Variants in CASZ1 observed in about 807,000 individuals in gnomAD.
CASZ1 encodes castor zinc finger 1.
In CASZ1, 28 loss-of-function variants were observed where a neutral mutation model predicts 135.2. That is an observed-to-expected ratio of 0.21 (90% CI 0.15 to 0.28). The LOEUF (loss-of-function observed/expected upper bound fraction) is 0.28. CASZ1 is among the 10% of genes least tolerant of loss of function. CASZ1 has a pLI of 1.00. For missense variants in CASZ1, 2,161 were observed against 2,453.3 expected (o/e 0.88, Z 2.52); for synonymous variants, 1,068 against 1,073.4 (o/e 0.99, Z 0.10).
rs1639772043 is a variant in CASZ1 at position 10,735,091 on chromosome 1, T to C, written c.-77+25610A>G. Reference sequence around the variant, plus strand: ...CAGTTGCACAAAAGAAATTGAACACTTTTGAGTTGCCCTTAGCAACCTAAT... The same window carrying C: ...CAGTTGCACAAAAGAAATTGAACACCTTTGAGTTGCCCTTAGCAACCTAAT... On this transcript the variant is annotated intron_variant, in intron 2 of 20. Coordinates refer to ENST00000377022, the MANE Select transcript of CASZ1 (RefSeq NM_001079843.3). This position sits in a 1 kb window ranked among gnomAD's most constrained non-coding sequence, Gnocchi z 5.1. Among the ~76,000 whole-genome samples the C allele has an allele frequency of 6.6e-6, 1 of 152,168 alleles. No homozygotes were observed. The highest frequency in any genetic ancestry group is 6.5e-5 in the Admixed American group (1 of 15,270).
Position 10,651,062 on chromosome 1 carries a change from C to T in CASZ1, c.2695G>A (p.Val899Ile). The part of the protein sequence containing the change: ...ATFDPGSGQQ[V>I]TPARFPPAQV... ...GCCGGGGGGAACCTGGCTGGGGTGACCTGCTGCCCGCTTCCTGCAGGGGAG... is the reference window on the plus strand; with the variant it reads ...GCCGGGGGGAACCTGGCTGGGGTGATCTGCTGCCCGCTTCCTGCAGGGGAG... Residue 899 changes from valine to isoleucine, a missense_variant, in exon 12 of 21, where the codon GTC becomes ATC. Transcript: ENST00000377022. 2 of 1,530,762 alleles carry T rather than the reference C, an allele frequency of 1.3e-6. No individual in the cohort carries two copies. The highest frequency in any genetic ancestry group is 2.4e-5 in the Admixed American group (1 of 42,134). The allele number at this position is 1,530,762 out of a possible 1,614,324, so 94.8% of individuals were successfully genotyped here. A position where few individuals can be genotyped will look rare whatever the true frequency, so the allele number is the denominator to read the frequency against.
At position 10,659,820 on chromosome 1, in the gene CASZ1, T is replaced by C. The variant is rs373574627; in HGVS notation, c.1222A>G (p.Ser408Gly). The C allele has an allele frequency of 1.3e-5, 21 of 1,609,964 alleles. No homozygotes were observed. The highest frequency in any genetic ancestry group is 1.7e-5 in the Non-Finnish European group (20 of 1,178,612). The change falls in exon 6 of 21, where the codon AGC becomes GGC. Residue 408 changes from serine to glycine, a missense_variant. Ser to Gly is a moderately conservative substitution (Grantham distance 56). Transcript: ENST00000377022. The part of the protein sequence containing the change: ...APLASVPSAP[S>G]APGPGPEPPA... ...GGCTCTGGCCCTGGCCCGGGGGCGC[T>C]GGGGGCACTGGGCACGCTGGCGAGG...
chr1:10,745,362 C>A (rs1007685205), intron 2 of CASZ1, among the ~76,000 whole-genome samples: 1 of 151,010 alleles, frequency 6.6e-6, no homozygotes, highest in Non-Finnish European at 1.5e-5. Context: ...CAGTGTGTTC[C>A]CCAACTGCGA....
chr1:10,719,461 C>T lies in CASZ1; in HGVS notation c.-76-13917G>A, dbSNP rs144844179. Among the ~76,000 whole-genome samples the T allele has an allele frequency of 1.4e-3, 207 of 152,334 alleles. No individual in the cohort carries two copies. Among genetic ancestry groups the T allele is most frequent in the African/African-American group, 3.8e-3 (159 of 41,578 alleles). ...TTCAAGGTGATGTCCTAAGGCTGCACACGCCATGCATTTAGAATCTGAGTG... is the reference window on the plus strand; with the variant it reads ...TTCAAGGTGATGTCCTAAGGCTGCATACGCCATGCATTTAGAATCTGAGTG... On this transcript the variant is annotated intron_variant, in intron 2 of 20. Transcript: ENST00000377022. This position sits in a 1 kb window ranked among gnomAD's most constrained non-coding sequence, Gnocchi z 4.0.
At chr1:10,753,734 G>A (rs1013473434) in intron 2 of CASZ1, among the ~76,000 whole-genome samples, 4 of 152,166 alleles carry the variant, frequency 2.6e-5, no homozygotes, top group South Asian at 2.1e-4. Flanking sequence ...CTCTCTGCCC[G>A]CTCCCAGATG....
chr1:10,646,957 C>T lies in CASZ1; in HGVS notation c.3498-631G>A, dbSNP rs937849752. On this transcript the variant is annotated intron_variant, in intron 16 of 20. Coordinates refer to ENST00000377022, the MANE Select transcript of CASZ1 (RefSeq NM_001079843.3). This position sits in a 1 kb window ranked among gnomAD's most constrained non-coding sequence, Gnocchi z 6.4. ...GCGGGTGTGCTGGCCTGCCCTAGGC[C>T]GCCTCCAGGATGCAGAGGGGTGCAG... Among the ~76,000 whole-genome samples, 2 of 152,118 alleles carry T rather than the reference C, an allele frequency of 1.3e-5. No individual in the cohort carries two copies. The highest frequency in any genetic ancestry group is 2.4e-5 in the African/African-American group (1 of 41,422).
At position 10,757,095 on chromosome 1, in the gene CASZ1, C is replaced by T. The variant is rs1012655906; in HGVS notation, c.-77+3606G>A. On this transcript the variant is annotated intron_variant, in intron 2 of 20. Coordinates refer to ENST00000377022, the MANE Select transcript of CASZ1 (RefSeq NM_001079843.3). This position sits in a 1 kb window ranked among gnomAD's most constrained non-coding sequence, Gnocchi z 4.6. ...GGTGTCGGAGAGAAGCAGTTCCCTC[C>T]GCAAGGAGCCCGACCCACTCAAACG... 7.2e-5 allele frequency among the ~76,000 whole-genome samples: 11 copies of T among 152,140 alleles called. No homozygotes were observed. Among genetic ancestry groups the T allele is most frequent in the African/African-American group, 2.7e-4 (11 of 41,414 alleles).
chr1:10,766,737 A>G (rs1174176518), intron 1 of CASZ1, among the ~76,000 whole-genome samples: 1 of 152,256 alleles, frequency 6.6e-6, no homozygotes, highest in Non-Finnish European at 1.5e-5. Flanking sequence ...CATGTTTATT[A>G]AGCATTGTGG....
In CASZ1 at chr1:10,750,463, AT is replaced by A. The variant is rs111764219; in HGVS notation, c.-77+10237del. On this transcript the variant is annotated intron_variant, in intron 2 of 20. Coordinates refer to ENST00000377022, the MANE Select transcript of CASZ1 (RefSeq NM_001079843.3). The stretch of plus-strand genomic sequence containing the variant: ...ACACCTGGCTAATTTTTATTTTTTA[AT>A]TTTTTTTTTAAGAGATGGGAGTCTT... 1.7e-3 allele frequency among the ~76,000 whole-genome samples: 256 copies of A among 149,884 alleles called. 2 individuals are homozygous for A. The highest frequency in any genetic ancestry group is 5.8e-3 in the African/African-American group (238 of 40,872).
At position 10,643,216 on chromosome 1, in the gene CASZ1, G is replaced by A. The variant is rs780053498; in HGVS notation, c.3964C>T (p.Arg1322Trp). 5.0e-6 allele frequency: 8 copies of A among 1,612,772 alleles called. No homozygotes were observed. The highest frequency in any genetic ancestry group is 5.1e-6 in the Non-Finnish European group (6 of 1,180,010). The stretch of plus-strand genomic sequence containing the variant: ...CCCAGCATCCTCCGCATGTGCTTCC[G>A]CGCGTGGGAGGTCATCTGGTGCTTG... ...LLKHQMTSHA[R>W]KHMRRMLGKN... Residue 1322 changes from arginine (R) to tryptophan (W), a missense_variant, in exon 19 of 21, where the codon CGG becomes TGG. By Grantham distance (101) the Arg-to-Trp change is moderately radical. Transcript: ENST00000377022.
At position 10,778,090 on chromosome 1, in the gene CASZ1, C is replaced by A. The variant is rs531006688; in HGVS notation, c.-233-17233G>T. On this transcript the variant is annotated intron_variant, in intron 1 of 20. Transcript: ENST00000377022. ...TCACACACACAATCTCATAGTCACA[C>A]CATCTCACACAATCTCACAATCACA... Among the ~76,000 whole-genome samples, 5 of 152,098 alleles carry A rather than the reference C, an allele frequency of 3.3e-5. No individual in the cohort carries two copies. The South Asian group carries it at 1.0e-3, about 32-fold the overall frequency.
intron 2 of CASZ1, among the ~76,000 whole-genome samples, chr1:10,740,212 G>C (rs1394252453): frequency 2.2e-4 from 33 of 152,222 alleles, no homozygotes; most frequent in Admixed American, 2.2e-3. Flanking sequence ...ATGTCTCACA[G>C]TGGCTCAGTG....
At position 10,646,334 on chromosome 1, in the gene CASZ1, GA is replaced by G. The variant is rs779768029; in HGVS notation, c.3498-9del. 1 of 1,613,650 alleles carries G rather than the reference GA, an allele frequency of 6.2e-7. No homozygotes were observed. Among genetic ancestry groups the G allele is most frequent in the Non-Finnish European group, 8.5e-7 (1 of 1,179,816 alleles). ...GTGGCGAGGCAAGGATCGCTGGAAG[GA>G]AACCACAGCCCAGAAGGTCATTGCC... On this transcript the variant is annotated splice_polypyrimidine_tract_variant and intron_variant, in intron 16 of 20. Coordinates refer to ENST00000377022, the MANE Select transcript of CASZ1 (RefSeq NM_001079843.3). This position sits in a 1 kb window ranked among gnomAD's most constrained non-coding sequence, Gnocchi z 6.4.
At chr1:10,683,036 T>C (rs1467594709) in intron 4 of CASZ1, among the ~76,000 whole-genome samples, 1 of 152,224 alleles carries the variant, frequency 6.6e-6, no homozygotes, top group East Asian at 1.9e-4. Flanking sequence ...ATCTCTGCAG[T>C]CTGGAAGTCA....
At chr1:10,669,348 C>T (rs1035815866) in intron 4 of CASZ1, among the ~76,000 whole-genome samples, 1 of 152,232 alleles carries the variant, frequency 6.6e-6, no homozygotes, top group South Asian at 2.1e-4. Flanking sequence ...TCCTCACCCT[C>T]GCTTCCTGTT....
chr1:10,779,357 A>G (rs1640720984), intron 1 of CASZ1, among the ~76,000 whole-genome samples: 2 of 150,118 alleles, frequency 1.3e-5, no homozygotes, highest in South Asian at 4.2e-4. Flanking sequence ...GCACAGCACA[A>G]CACGAAGGCT....
At position 10,788,856 on chromosome 1, in the gene CASZ1, G is replaced by A. The variant is rs904386998; in HGVS notation, c.-234+7708C>T. Among the ~76,000 whole-genome samples the A allele has an allele frequency of 1.4e-4, 21 of 152,196 alleles. No homozygotes were observed. Among genetic ancestry groups the A allele is most frequent in the African/African-American group, 4.8e-4 (20 of 41,450 alleles). On this transcript the variant is annotated intron_variant, in intron 1 of 20. Coordinates refer to ENST00000377022, the MANE Select transcript of CASZ1 (RefSeq NM_001079843.3). The surrounding 1 kb of genome is among the most constrained non-coding windows in gnomAD (Gnocchi z 4.1). The stretch of plus-strand genomic sequence containing the variant: ...CAGCCAGCAGAGGCATCGCACAGAG[G>A]AGCCCACCAGTGGGGACAGAGGGGA...
At chr1:10,650,894 G>GA (rs764309464) in intron 12 of CASZ1, 47 bp downstream of exon 12, 1 of 1,606,746 alleles carries the variant, frequency 6.2e-7, no homozygotes, top group Admixed American at 1.7e-5. Context: ...GCTCCAGCTC[G>GA]AAGGTGTGGT....
chr1:10,791,733 G>A (rs1324278300), intron 1 of CASZ1, among the ~76,000 whole-genome samples: 2 of 108,014 alleles, frequency 1.9e-5, no homozygotes, highest in African/African-American at 2.9e-5. Context: ...AAGAGAGAGA[G>A]AAAAAGAGGG....
Sources: allele counts gnomAD v4.1 joint callset (sites outside exome capture counted in the v4.1 genomes callset), GRCh38; gene constraint gnomAD v4.1.1; non-coding constraint Gnocchi (gnomAD v3.1); transcripts MANE v1.5; gene names NCBI Gene and HGNC (gene_info 2026-07-23, HGNC 2026-07-21).